The following PRKD1 variants were observed in gnomAD, a reference collection of about 807,000 sequenced individuals.
The protein encoded by PRKD1 is protein kinase D1.
In PRKD1, 63 loss-of-function variants were observed where a neutral mutation model predicts 95.9. That is an observed-to-expected ratio of 0.66 (90% CI 0.54 to 0.81). The LOEUF is 0.81. Ranked by LOEUF, PRKD1 falls within the 30% of genes least tolerant of loss-of-function variation. The pLI is 0.00. For missense variants in PRKD1, 1,048 were observed against 1,165.3 expected (o/e 0.90, Z 1.47); for synonymous variants, 425 against 423.1 (o/e 1.00, Z -0.05).
intron 1 of PRKD1, among the ~76,000 whole-genome samples, chr14:29,747,979 A>G (rs1048100008): frequency 2.0e-5 from 3 of 152,088 alleles, no homozygotes; most frequent in Non-Finnish European, 4.4e-5. Context: ...CCTGACCTCA[A>G]GTGATCCTCC....
chr14:29,768,995 C>G (rs923928575), intron 1 of PRKD1, among the ~76,000 whole-genome samples: 2 of 151,440 alleles, frequency 1.3e-5, no homozygotes, highest in African/African-American at 4.8e-5. Flanking sequence ...CCCACCCTAC[C>G]ACCACCCTCA....
intron 1 of PRKD1, among the ~76,000 whole-genome samples, chr14:29,819,583 G>A (rs534408523): frequency 3.9e-5 from 6 of 152,024 alleles, no homozygotes; most frequent in East Asian, 1.9e-4. Context: ...CCAGCTACTC[G>A]GGAGGCTGAG....
At chr14:29,654,600 T>G (rs1030192266) in intron 4 of PRKD1, among the ~76,000 whole-genome samples, 8 of 152,350 alleles carry the variant, frequency 5.3e-5, no homozygotes, top group African/African-American at 1.4e-4. Flanking sequence ...TAAATCAATA[T>G]ATTTCATTGT....
chr14:29,638,033 T>G (rs1422048154), intron 6 of PRKD1, among the ~76,000 whole-genome samples: 1 of 152,168 alleles, frequency 6.6e-6, no homozygotes. Context: ...TTTATACAGT[T>G]AGAGTTTTCT....
At chr14:29,587,687 C>T (rs1892985745) in intron 16 of PRKD1, among the ~76,000 whole-genome samples, 1 of 152,096 alleles carries the variant, frequency 6.6e-6, no homozygotes, top group Non-Finnish European at 1.5e-5. Context: ...TTTGCAGATA[C>T]TACCTTATTT....
At chr14:29,766,044 A>C (rs1888241697) in intron 1 of PRKD1, among the ~76,000 whole-genome samples, 1 of 152,124 alleles carries the variant, frequency 6.6e-6, no homozygotes, top group African/African-American at 2.4e-5. Context: ...AGTGAAAACA[A>C]TATTAGAAGA....
At chr14:29,903,378 A>T (rs911496042) in intron 1 of PRKD1, among the ~76,000 whole-genome samples, 1 of 152,152 alleles carries the variant, frequency 6.6e-6, no homozygotes, top group African/African-American at 2.4e-5. Context: ...AATCTGGGAG[A>T]AGGGACAGAA....
intron 1 of PRKD1, among the ~76,000 whole-genome samples, chr14:29,890,032 C>G (rs1893882934): frequency 6.6e-6 from 1 of 152,178 alleles, no homozygotes; most frequent in African/African-American, 2.4e-5. Flanking sequence ...ATGAAGTTCT[C>G]AAATAAGTTG....
intron 1 of PRKD1, among the ~76,000 whole-genome samples, chr14:29,909,156 G>A (rs1894606614): frequency 6.6e-6 from 1 of 152,176 alleles, no homozygotes; most frequent in African/African-American, 2.4e-5. Flanking sequence ...AGCTGTGGAG[G>A]GTGCGCCAGG....
At chr14:29,686,019 T>C (rs1452868040) in intron 2 of PRKD1, among the ~76,000 whole-genome samples, 2 of 152,158 alleles carry the variant, frequency 1.3e-5, no homozygotes, top group African/African-American at 2.4e-5. Flanking sequence ...AGTAACAGTA[T>C]TATAAGGGGG....
intron 1 of PRKD1, among the ~76,000 whole-genome samples, chr14:29,819,868 G>A (rs139951669): frequency 6.6e-6 from 1 of 152,054 alleles, no homozygotes; most frequent in African/African-American, 2.4e-5. Flanking sequence ...CAACAACAAT[G>A]AAACACTATT....
In PRKD1 at chr14:29,638,848, T is replaced by C; in HGVS notation, c.753A>G (p.Ser251=). The change falls in exon 5 of 18, where the codon TCA becomes TCG. Residue 251 remains serine (S), a synonymous_variant. Coordinates refer to ENST00000331968, the MANE Select transcript of PRKD1 (RefSeq NM_002742.3). The part of the protein sequence containing the change: ...IGREKRSNSQ[S]YIGRPIHLDK... ...CAAGGTGAATTGGTCGTCCAATGTATGATTGAGAATTTGACCTCTTCTCTC... is the reference window on the plus strand; with the variant it reads ...CAAGGTGAATTGGTCGTCCAATGTACGATTGAGAATTTGACCTCTTCTCTC... The C allele has an allele frequency of 6.2e-7, 1 of 1,614,172 alleles. No individual in the cohort carries two copies. Among genetic ancestry groups the C allele is most frequent in the Non-Finnish European group, 8.5e-7 (1 of 1,180,020 alleles).
chr14:29,902,547 C>T (rs11852133), intron 1 of PRKD1, among the ~76,000 whole-genome samples: 3,182 of 152,200 alleles, frequency 0.021, 56 homozygotes, highest in African/African-American at 0.052. Flanking sequence ...CCCACAGAGG[C>T]GGGAATAAAC....
intron 1 of PRKD1, among the ~76,000 whole-genome samples, chr14:29,748,473 G>A (rs925186426): frequency 3.3e-5 from 5 of 152,132 alleles, no homozygotes; most frequent in Admixed American, 6.5e-5. Context: ...GAATTAATCC[G>A]TATCACCACT....
intron 1 of PRKD1, among the ~76,000 whole-genome samples, chr14:29,874,504 A>C (rs911056392): frequency 6.6e-6 from 1 of 152,202 alleles, no homozygotes; most frequent in Admixed American, 6.5e-5. Flanking sequence ...TTAGTATATC[A>C]AAGAAACTTG....
At chr14:29,622,889 T>C (rs910809022) in intron 13 of PRKD1, among the ~76,000 whole-genome samples, 1 of 152,188 alleles carries the variant, frequency 6.6e-6, no homozygotes, top group African/African-American at 2.4e-5. Flanking sequence ...AATCCTATAA[T>C]GAAGAATAAA....
chr14:29,780,483 T>C (rs1030135941), intron 1 of PRKD1, among the ~76,000 whole-genome samples: 2 of 152,142 alleles, frequency 1.3e-5, no homozygotes, highest in African/African-American at 4.8e-5. Context: ...GCAAAGGATA[T>C]GAACAGACAC....
chr14:29,680,973 C>T (rs992348783), intron 2 of PRKD1, among the ~76,000 whole-genome samples: 1 of 152,028 alleles, frequency 6.6e-6, no homozygotes, highest in Admixed American at 6.6e-5. Context: ...ATTGAGTGGC[C>T]TAAGAAAACA....
intron 12 of PRKD1, among the ~76,000 whole-genome samples, chr14:29,624,906 C>T (rs1198548291): frequency 3.9e-5 from 6 of 152,094 alleles, no homozygotes; most frequent in Admixed American, 3.3e-4. Context: ...AGGAATTCTA[C>T]GGAGCACCCC....
Sources: allele counts gnomAD v4.1 joint callset (sites outside exome capture counted in the v4.1 genomes callset), GRCh38; gene constraint gnomAD v4.1.1; transcripts MANE v1.5; gene names NCBI Gene and HGNC (gene_info 2026-07-23, HGNC 2026-07-21).